CTNNA2: variants seen among roughly 807,000 people sequenced by gnomAD.
The protein encoded by CTNNA2 is catenin alpha-2.
In CTNNA2, 42 loss-of-function variants were observed where a neutral mutation model predicts 101.0. The ratio of observed to expected loss-of-function variants is 0.42; its 90% CI spans 0.32 to 0.54. CTNNA2 has a LOEUF of 0.54. Among genes scored for constraint, CTNNA2 ranks in the 20% least tolerant of loss-of-function variants. The pLI is 0.14. For synonymous variants in CTNNA2, 450 were observed against 456.4 expected (o/e 0.99, Z 0.18); for missense variants, 871 against 1,223.1 (o/e 0.71, Z 4.29).
chr2:79,276,440 T>G (rs1318480467), intron 2 of CTNNA2, among the ~76,000 whole-genome samples: 6 of 152,090 alleles, frequency 3.9e-5, no homozygotes, highest in South Asian at 2.1e-4. Flanking sequence ...TAAATGAGAA[T>G]TACCTTCATT....
At chr2:80,543,651 T>C (rs1303888064) in intron 9 of CTNNA2, among the ~76,000 whole-genome samples, 1 of 152,198 alleles carries the variant, frequency 6.6e-6, no homozygotes, top group African/African-American at 2.4e-5. Flanking sequence ...TGAAGTGACT[T>C]ATAAAGATGC....
At chr2:80,128,168 G>A (rs2148890210) in intron 7 of CTNNA2, among the ~76,000 whole-genome samples, 1 of 152,282 alleles carries the variant, frequency 6.6e-6, no homozygotes, top group African/African-American at 2.4e-5. Context: ...ACTGGCAGAA[G>A]TTGTGATTGG....
chr2:79,197,781 G>T (rs1673980605), intron 1 of CTNNA2, among the ~76,000 whole-genome samples: 1 of 152,064 alleles, frequency 6.6e-6, no homozygotes, highest in South Asian at 2.1e-4. Flanking sequence ...TTTTGTTGTG[G>T]TTGTTGTTGT....
At chr2:80,174,868 A>G (rs1290325892) in intron 7 of CTNNA2, among the ~76,000 whole-genome samples, 1 of 152,166 alleles carries the variant, frequency 6.6e-6, no homozygotes, top group East Asian at 1.9e-4. Context: ...TACATCACAT[A>G]TGACCTGGAC....
intron 2 of CTNNA2, among the ~76,000 whole-genome samples, chr2:79,230,716 A>G (rs1261606911): frequency 6.6e-6 from 1 of 152,180 alleles, no homozygotes; most frequent in African/African-American, 2.4e-5. Context: ...AGCCACAGGC[A>G]CTCAATGCTA....
intron 2 of CTNNA2, among the ~76,000 whole-genome samples, chr2:79,653,014 A>G (rs575877457): frequency 6.6e-6 from 1 of 152,250 alleles, no homozygotes; most frequent in South Asian, 2.1e-4. Context: ...CTACAAAACA[A>G]ATTATATGTT....
intron 15 of CTNNA2, among the ~76,000 whole-genome samples, chr2:80,591,120 G>T (rs73938521): frequency 4.2e-4 from 64 of 152,184 alleles, no homozygotes; most frequent in African/African-American, 1.5e-3. Flanking sequence ...ATATAACTGT[G>T]GTCAAGGCAC....
chr2:79,795,357 A>G (rs1675615552), intron 3 of CTNNA2, among the ~76,000 whole-genome samples: 1 of 152,162 alleles, frequency 6.6e-6, no homozygotes, highest in Admixed American at 6.5e-5. Flanking sequence ...AGTAAAGTAC[A>G]CAAACTTTAA....
rs181340339 is a variant in CTNNA2, at chr2:79,444,447, A to C, written c.-134-60607A>C. Among the ~76,000 whole-genome samples, 423 of 152,228 alleles carry C rather than the reference A, an allele frequency of 2.8e-3. 1 individual carries two copies. The highest frequency in any genetic ancestry group is 9.6e-3 in the African/African-American group (399 of 41,550). On this transcript the variant is annotated intron_variant, in intron 4 of 21. Coordinates refer to the CTNNA2 transcript ENST00000466387. ...GAATTGTCATTTAAGGATGGAGTGG[A>C]GCATAATAGGCAGCAGACACAAGAA...
chr2:79,437,421 C>T (rs1678729131), intron 4 of CTNNA2, among the ~76,000 whole-genome samples: 1 of 152,122 alleles, frequency 6.6e-6, no homozygotes, highest in Non-Finnish European at 1.5e-5. Flanking sequence ...CAGGTGCTGC[C>T]GATTCTGCTG....
chr2:79,237,800 CCT>C, intron 2 of CTNNA2, among the ~76,000 whole-genome samples: 1 of 152,330 alleles, frequency 6.6e-6, no homozygotes, highest in South Asian at 2.1e-4. Context: ...AGCTTCCTTT[CCT>C]CTCTCAGCCA....
chr2:80,111,806 G>T (rs374540057), intron 7 of CTNNA2, among the ~76,000 whole-genome samples: 1 of 152,184 alleles, frequency 6.6e-6, no homozygotes, highest in African/African-American at 2.4e-5. Flanking sequence ...AGGATTATAG[G>T]CATGAGCCAC....
intron 2 of CTNNA2, among the ~76,000 whole-genome samples, chr2:79,247,711 G>A (rs932352557): frequency 1.3e-5 from 2 of 152,204 alleles, no homozygotes. Context: ...GAGATAGGGA[G>A]ATTATTCTGG....
chr2:79,425,662 A>G (rs1678584843), intron 4 of CTNNA2, among the ~76,000 whole-genome samples: 1 of 152,090 alleles, frequency 6.6e-6, no homozygotes, highest in Non-Finnish European at 1.5e-5. Context: ...ATGCTGTCAC[A>G]TTTCACAACA....
intron 7 of CTNNA2, among the ~76,000 whole-genome samples, chr2:80,191,586 A>G (rs1049793088): frequency 6.6e-6 from 1 of 152,204 alleles, no homozygotes; most frequent in Non-Finnish European, 1.5e-5. Context: ...TAATCTCAGT[A>G]TATACTCAAC....
At chr2:80,613,896 A>T (rs1698652297) in intron 17 of CTNNA2, among the ~76,000 whole-genome samples, 1 of 151,376 alleles carries the variant, frequency 6.6e-6, no homozygotes, top group Admixed American at 6.6e-5. Context: ...TTTCTATTTT[A>T]GTTTGAGGGC....
chr2:79,610,891 A>C (rs1678228931), intron 1 of CTNNA2, among the ~76,000 whole-genome samples: 1 of 152,150 alleles, frequency 6.6e-6, no homozygotes, highest in Non-Finnish European at 1.5e-5. Context: ...GTAACATGCA[A>C]ATTGGTGAGT....
At chr2:80,375,636 C>A (rs1419217909) in intron 7 of CTNNA2, among the ~76,000 whole-genome samples, 1 of 142,432 alleles carries the variant, frequency 7.0e-6, no homozygotes, top group Non-Finnish European at 1.5e-5. Context: ...GTGATCTCAG[C>A]TCACTGCAAG....
intron 7 of CTNNA2, among the ~76,000 whole-genome samples, chr2:80,056,726 T>C (rs1243309672): frequency 6.6e-6 from 1 of 152,226 alleles, no homozygotes; most frequent in Admixed American, 6.5e-5. Flanking sequence ...TGCAAGGTAC[T>C]ATGAAAGTAT....
Sources: gnomAD v4.1 joint callset for allele counts (sites outside exome capture counted in the v4.1 genomes callset) on GRCh38, gnomAD v4.1.1 for gene constraint, MANE v1.5 for transcripts, NCBI Gene and HGNC (gene_info 2026-07-23, HGNC 2026-07-21) for gene names.